The following GLB1L2 variants were observed in gnomAD, a reference collection of about 807,000 sequenced individuals.
GLB1L2 encodes the protein galactosidase beta 1 like 2.
GLB1L2 carries 68 observed loss-of-function variants against 84.1 expected under a neutral mutation model. The observed-to-expected ratio is 0.81, with a 90% CI of 0.67 to 0.99. The LOEUF (loss-of-function observed/expected upper bound fraction) is 0.99. Ranked by LOEUF, GLB1L2 falls within the 50% of genes least tolerant of loss-of-function variation. GLB1L2 has a pLI of 0.00. For synonymous variants in GLB1L2, 290 were observed against 318.0 expected, an observed-to-expected ratio of 0.91 and a Z score of 0.94; for missense variants, 762 against 805.6, an observed-to-expected ratio of 0.95 and a Z score of 0.66.
At chr11:134,374,755 C>A (rs776853708) in intron 18 of GLB1L2, 37 bp downstream of exon 18, 7 of 1,517,058 alleles carry the variant, frequency 4.6e-6, no homozygotes, top group Non-Finnish European at 6.4e-6. Context: ...CCCCATGACG[C>A]CCTGCCCACC....
chr11:134,372,920 T>C (rs1163144299), intron 15 of GLB1L2, among the ~76,000 whole-genome samples: 4 of 152,096 alleles, frequency 2.6e-5, no homozygotes, highest in Non-Finnish European at 5.9e-5. Flanking sequence ...CTCCTGGGAG[T>C]TGGAAGGAGC....
In GLB1L2 at chr11:134,356,345, A is replaced by G. The variant is rs1467954863; in HGVS notation, c.603A>G (p.Glu201=). 2 of 1,613,992 alleles carry G rather than the reference A, an allele frequency of 1.2e-6. No individual in the cohort carries two copies. The highest frequency in any genetic ancestry group is 3.3e-5 in the Admixed American group (2 of 60,002). ...GPIIAVQVEN[E]YGSYNKDPAY... ...TCATTGCCGTGCAGGTGGAGAATGA[A>G]TATGGTTCCTATAATAAAGACCCCG... Residue 201 remains glutamate (E), a synonymous_variant, in exon 6 of 19, where the codon GAA becomes GAG. Transcript: ENST00000535456.
At chr11:134,340,062 C>G (rs367999517) in intron 1 of GLB1L2, among the ~76,000 whole-genome samples, 1 of 152,090 alleles carries the variant, frequency 6.6e-6, no homozygotes. Context: ...GTTGGAATGT[C>G]GGTCAGAGAG....
chr11:134,336,812 A>C (rs1283318125), intron 1 of GLB1L2, among the ~76,000 whole-genome samples: 1 of 152,168 alleles, frequency 6.6e-6, no homozygotes, highest in Non-Finnish European at 1.5e-5. Context: ...TTTCATTTAG[A>C]GTCTACAAGC....
intron 5 of GLB1L2, chr11:134,355,943 T>C (rs1271126614): frequency 2.1e-6 from 1 of 472,740 alleles, no homozygotes. Flanking sequence ...GGACGCATCC[T>C]CCTGACCACA....
intron 6 of GLB1L2, among the ~76,000 whole-genome samples, chr11:134,358,391 G>A (rs373094164): frequency 4.6e-5 from 7 of 152,386 alleles, no homozygotes; most frequent in Non-Finnish European, 1.0e-4. Flanking sequence ...GTGTATGAGC[G>A]GAGGGCCTGG....
intron 1 of GLB1L2, 37 bp from the exon 2 acceptor site, chr11:134,342,717 G>A (rs761077181): frequency 2.5e-6 from 4 of 1,594,470 alleles, no homozygotes; most frequent in Admixed American, 3.4e-5. Context: ...TCTGCGGCCC[G>A]GAGCCTCCAG....
chr11:134,370,307 C>G lies in GLB1L2; in HGVS notation c.1123C>G (p.Pro375Ala). ...CTGTGTTGCAGGCATCCCTCTCCCT[C>G]CCCCACCTGACCTTCTTCCCAAGAT... ...FGSISGIPLP[P>A]PPDLLPKMPY... Residue 375 changes from proline to alanine, a missense_variant, in exon 12 of 19, where the codon CCC becomes GCC. Pro to Ala is a conservative substitution (Grantham distance 27). This residue lies in a region of GLB1L2 where 603 missense variants were observed against 611.7 expected (regional missense o/e 0.99). Coordinates refer to ENST00000535456, the MANE Select transcript of GLB1L2 (RefSeq NM_001370461.1). The surrounding 1 kb of genome is among the most constrained non-coding windows in gnomAD (Gnocchi z 4.7). 2 of 1,613,808 alleles carry G rather than the reference C, an allele frequency of 1.2e-6. No individual in the cohort carries two copies. Among genetic ancestry groups the G allele is most frequent in the Non-Finnish European group, 1.7e-6 (2 of 1,179,818 alleles).
rs1943414586 is a variant in GLB1L2, at chr11:134,338,229, A to G, written c.87-4525A>G. ...ACCAGAAAGAGATGACTGTGACCCCAGTGAGGCCTCCCAGCCGTACCATGA... is the reference window on the plus strand; with the variant it reads ...ACCAGAAAGAGATGACTGTGACCCCGGTGAGGCCTCCCAGCCGTACCATGA... On this transcript the variant is annotated intron_variant, in intron 1 of 18. Coordinates refer to ENST00000535456, the MANE Select transcript of GLB1L2 (RefSeq NM_001370461.1). The surrounding 1 kb of genome is among the most constrained non-coding windows in gnomAD (Gnocchi z 6.2). Among the ~76,000 whole-genome samples, 1 of 152,098 alleles carries G rather than the reference A, an allele frequency of 6.6e-6. No homozygotes were observed. The highest frequency in any genetic ancestry group is 2.4e-5 in the African/African-American group (1 of 41,426).
chr11:134,347,465 G>T (rs753448882), intron 5 of GLB1L2, 32 bp downstream of exon 5: 4 of 1,466,668 alleles, frequency 2.7e-6, no homozygotes, highest in East Asian at 2.3e-5. Flanking sequence ...TTTGATCTTG[G>T]TCTGTCTTCC....
chr11:134,345,181 A>T, intron 4 of GLB1L2, 52 bp downstream of exon 4: 1 of 1,519,854 alleles, frequency 6.6e-7, no homozygotes, highest in Non-Finnish European at 8.9e-7. Flanking sequence ...GCTCACAGAC[A>T]TAGGTCTGGT....
intron 2 of GLB1L2, 24 bp from the exon 3 acceptor site, chr11:134,344,363 C>T (rs759024582): frequency 5.0e-5 from 80 of 1,613,288 alleles, no homozygotes; most frequent in Non-Finnish European, 6.7e-5. Context: ...ATGCTCTAGC[C>T]TATAATTATC....
intron 5 of GLB1L2, chr11:134,356,015 G>A: frequency 1.8e-6 from 1 of 565,882 alleles, no homozygotes; most frequent in East Asian, 4.2e-5. Context: ...GTACCATTTT[G>A]CATATGACTT....
rs899703934 is a variant in GLB1L2, at chr11:134,370,466, G to C, written c.1215+67G>C. The C allele has an allele frequency of 7.8e-7, 1 of 1,277,566 alleles. No homozygotes were observed. The highest frequency in any genetic ancestry group is 1.7e-5 in the Admixed American group (1 of 59,088). 79.1% of individuals were successfully genotyped at this position (1,277,566 alleles called of 1,614,324 possible). A position where few individuals can be genotyped will look rare whatever the true frequency, so the allele number is the denominator to read the frequency against. On this transcript the variant is annotated intron_variant, in intron 12 of 18. Coordinates refer to ENST00000535456, the MANE Select transcript of GLB1L2 (RefSeq NM_001370461.1). This position sits in a 1 kb window ranked among gnomAD's most constrained non-coding sequence, Gnocchi z 4.7. ...GGGGCAGTCGTTGGCAGGGAGGTGA[G>C]TGCTGGGGGCAGTCGTCGGCGGGAG... is the stretch of plus-strand genomic sequence containing the variant.
At chr11:134,345,996 T>A (rs996373772) in intron 4 of GLB1L2, among the ~76,000 whole-genome samples, 20 of 152,256 alleles carry the variant, frequency 1.3e-4, no homozygotes, top group African/African-American at 4.6e-4. Flanking sequence ...CTCAACATTG[T>A]GGCCTTTAAG....
At chr11:134,333,396 G>A (rs1026086982) in intron 1 of GLB1L2, among the ~76,000 whole-genome samples, 12 of 152,164 alleles carry the variant, frequency 7.9e-5, no homozygotes, top group South Asian at 2.1e-4. Context: ...CAAGGCTTAC[G>A]CAAACCCCAG....
intron 4 of GLB1L2, chr11:134,346,398 G>A (rs56262016): frequency 0.013 from 1,949 of 152,512 alleles, 20 homozygotes; most frequent in Non-Finnish European, 0.019. Context: ...AGAAGCAGTG[G>A]GGAGCTGTGG....
chr11:134,344,260 A>G (rs1006894663), intron 2 of GLB1L2, 127 bp from the exon 3 acceptor site: 11 of 1,166,202 alleles, frequency 9.4e-6, no homozygotes, highest in Non-Finnish European at 1.4e-5. Flanking sequence ...TCTTGGTTCC[A>G]GTCCTAAAAT....
intron 10 of GLB1L2, 73 bp downstream of exon 10, chr11:134,368,854 C>T: frequency 2.6e-6 from 4 of 1,538,254 alleles, no homozygotes; most frequent in Non-Finnish European, 3.5e-6. Context: ...ATGGAGAGGC[C>T]CTCAGGGTCA....
Sources: gnomAD v4.1 joint callset for allele counts (sites outside exome capture counted in the v4.1 genomes callset) on GRCh38, gnomAD v4.1.1 for gene constraint, gnomAD v4.1.1 regional missense constraint, Gnocchi (gnomAD v3.1) non-coding constraint, MANE v1.5 for transcripts, NCBI Gene and HGNC (gene_info 2026-07-23, HGNC 2026-07-21) for gene names.